Variants in UPF2 observed in about 807,000 individuals in gnomAD.
UPF2 encodes the protein regulator of nonsense transcripts 2.
In UPF2, 17 loss-of-function variants were observed where a neutral mutation model predicts 141.4. That is an observed-to-expected ratio of 0.12 (90% CI 0.08 to 0.18). The LOEUF is 0.18. UPF2 is among the 10% of genes least tolerant of loss of function. The pLI, the probability that UPF2 is intolerant of heterozygous loss-of-function variation, is 1.00. For missense variants in UPF2, 1,152 were observed against 1,515.9 expected, an observed-to-expected ratio of 0.76 and a Z score of 3.99; for synonymous variants, 540 against 498.0, an observed-to-expected ratio of 1.08 and a Z score of -1.12.
chr10:12,032,065 G>A (rs539496031), intron 2 of UPF2, among the ~76,000 whole-genome samples: 4 of 152,050 alleles, frequency 2.6e-5, no homozygotes, highest in South Asian at 2.1e-4. Flanking sequence ...AGGCCAAAAC[G>A]GGTGGATCAC....
chr10:12,013,337 C>CA (rs1336800643), intron 4 of UPF2, among the ~76,000 whole-genome samples: 6 of 147,850 alleles, frequency 4.1e-5, no homozygotes, highest in Non-Finnish European at 8.9e-5. Context: ...AGTGCAGTGG[C>CA]ACAATCTCGG....
intron 8 of UPF2, among the ~76,000 whole-genome samples, chr10:11,989,167 T>C (rs1259548763): frequency 6.6e-6 from 1 of 152,168 alleles, no homozygotes; most frequent in Non-Finnish European, 1.5e-5. Flanking sequence ...AACAGAGGCA[T>C]TGGCTTTCCA....
rs1433826371 is a variant in UPF2 at position 11,921,552 on chromosome 10, T to C, written c.3810-245A>G. Among the ~76,000 whole-genome samples the C allele has an allele frequency of 6.6e-6, 1 of 152,214 alleles. No homozygotes were observed. The highest frequency in any genetic ancestry group is 1.5e-5 in the Non-Finnish European group (1 of 68,030). Reference sequence around the variant, plus strand: ...AACTATCTCCATAGCATCTACACTTTATTAGGTATTACAAGTAATGTAGAG... The same window carrying C: ...AACTATCTCCATAGCATCTACACTTCATTAGGTATTACAAGTAATGTAGAG... On this transcript the variant is annotated intron_variant, in intron 21 of 21. Transcript: ENST00000357604. The surrounding 1 kb of genome is among the most constrained non-coding windows in gnomAD (Gnocchi z 5.9).
Position 11,943,165 on chromosome 10 carries a change from C to T in UPF2, c.3178G>A (p.Gly1060Ser). The T allele has an allele frequency of 6.2e-7, 1 of 1,604,780 alleles. No individual in the cohort carries two copies. Among genetic ancestry groups the T allele is most frequent in the Non-Finnish European group, 8.5e-7 (1 of 1,174,860 alleles). ...SEVNEPEEEE[G>S]SDNDDDEGEE... ...CCCTCATCATCATCATTATCAGAAC[C>T]CTCCTGAAATTATTGAACATTAGAA... The change falls in exon 17 of 22, where the codon GGT becomes AGT. Residue 1060 changes from glycine to serine, a missense_variant. Around this residue, in one of 4 missense-constraint regions of UPF2, gnomAD observed 202 missense variants for 223.6 expected, o/e 0.90. Coordinates refer to ENST00000357604, the MANE Select transcript of UPF2 (RefSeq NM_015542.4).
chr10:11,955,953 C>T (rs1267152171), intron 13 of UPF2, among the ~76,000 whole-genome samples: 1 of 151,978 alleles, frequency 6.6e-6, no homozygotes, highest in Non-Finnish European at 1.5e-5. Context: ...ACCAGCCTGG[C>T]CGACATGGCA....
rs201537032 is a variant in UPF2 at position 12,022,859 on chromosome 10, C to CT, written c.1145+5885dup. On this transcript the variant is annotated intron_variant, in intron 3 of 21. Coordinates refer to ENST00000357604, the MANE Select transcript of UPF2 (RefSeq NM_015542.4). ...TAGCATTCATAAAAGAAACCTCTGA[C>CT]TTTTTTTTTAACAATGGGCAGACGA... 3.4e-4 allele frequency among the ~76,000 whole-genome samples: 52 copies of CT among 151,322 alleles called. No homozygotes were observed. In the East Asian group the frequency reaches 6.8e-3, roughly 20 times the overall value.
chr10:11,947,166 C>T (rs954550460), intron 16 of UPF2, among the ~76,000 whole-genome samples: 1 of 152,174 alleles, frequency 6.6e-6, no homozygotes, highest in African/African-American at 2.4e-5. Context: ...CATGCCACTG[C>T]ACTCCAGCAT....
chr10:11,965,941 T>C (rs1334648082), intron 10 of UPF2, among the ~76,000 whole-genome samples: 1 of 152,186 alleles, frequency 6.6e-6, no homozygotes, highest in Non-Finnish European at 1.5e-5. Context: ...ACAACCTTAG[T>C]AACGGAATGA....
intron 9 of UPF2, among the ~76,000 whole-genome samples, chr10:11,974,508 G>A (rs1240684533): frequency 6.6e-6 from 1 of 152,190 alleles, no homozygotes; most frequent in African/African-American, 2.4e-5. Context: ...GATATTGGCT[G>A]TGGGTTTGTC....
chr10:11,967,280 C>T (rs1411808932), intron 10 of UPF2, 61 bp downstream of exon 10: 1 of 959,094 alleles, frequency 1.0e-6, no homozygotes, highest in Non-Finnish European at 1.5e-6. Flanking sequence ...ACTTTATCCA[C>T]CATTTATAAT....
chr10:12,028,343 A>G (rs186448655), intron 3 of UPF2, among the ~76,000 whole-genome samples: 30 of 152,356 alleles, frequency 2.0e-4, no homozygotes, highest in Middle Eastern at 3.4e-3. Context: ...CAACAGTGAC[A>G]TAAAGAACTT....
chr10:12,017,164 G>C (rs907773125), intron 3 of UPF2, among the ~76,000 whole-genome samples: 4 of 152,032 alleles, frequency 2.6e-5, no homozygotes, highest in Non-Finnish European at 4.4e-5. Context: ...TTATATTAAA[G>C]GGATAATACT....
At position 11,939,516 on chromosome 10, in the gene UPF2, T is replaced by C. The variant is rs529057903; in HGVS notation, c.3379-2804A>G. Among the ~76,000 whole-genome samples, 176 of 99,582 alleles carry C rather than the reference T, an allele frequency of 1.8e-3. No homozygotes were observed. The highest frequency in any genetic ancestry group is 1.5e-3 in the Non-Finnish European group (84 of 55,846). The allele number at this position is 99,582 out of a possible 152,430, so 65.3% of individuals were successfully genotyped here. On this transcript the variant is annotated intron_variant, in intron 18 of 21. Coordinates refer to ENST00000357604, the MANE Select transcript of UPF2 (RefSeq NM_015542.4). The surrounding 1 kb of genome is among the most constrained non-coding windows in gnomAD (Gnocchi z 4.8). Reference sequence around the variant, plus strand: ...ATTATTGTCAGTTTAAAATGTTTTATCTTTTTTTTTTTTTAAGACGAAGTC... The same window carrying C: ...ATTATTGTCAGTTTAAAATGTTTTACCTTTTTTTTTTTTTAAGACGAAGTC...
intron 10 of UPF2, among the ~76,000 whole-genome samples, chr10:11,965,300 C>T (rs1163998075): frequency 6.6e-6 from 1 of 152,102 alleles, no homozygotes; most frequent in Non-Finnish European, 1.5e-5. Flanking sequence ...CAATTCACAG[C>T]ATATTCCTTT....
intron 19 of UPF2, among the ~76,000 whole-genome samples, chr10:11,934,913 T>C (rs2131158003): frequency 6.6e-6 from 1 of 152,244 alleles, no homozygotes; most frequent in Non-Finnish European, 1.5e-5. Context: ...AATTGGTATA[T>C]AGGTGGTATC....
chr10:11,941,867 C>T (rs530325760), intron 18 of UPF2, among the ~76,000 whole-genome samples: 1 of 152,272 alleles, frequency 6.6e-6, no homozygotes, highest in African/African-American at 2.4e-5. Flanking sequence ...CAAAAAACTG[C>T]TAAGTAGTGT....
intron 8 of UPF2, among the ~76,000 whole-genome samples, chr10:11,983,845 C>T (rs772144843): frequency 1.3e-4 from 20 of 152,060 alleles, no homozygotes; most frequent in Non-Finnish European, 2.6e-4. Context: ...CTGGAACAAG[C>T]GATATTATTT....
rs1332458848 is a variant in UPF2, at chr10:11,921,334, G to A, written c.3810-27C>T. The A allele has an allele frequency of 1.2e-6, 2 of 1,614,082 alleles. No homozygotes were observed. Among genetic ancestry groups the A allele is most frequent in the Non-Finnish European group, 1.7e-6 (2 of 1,180,014 alleles). On this transcript the variant is annotated intron_variant, in intron 21 of 21. Coordinates refer to ENST00000357604, the MANE Select transcript of UPF2 (RefSeq NM_015542.4). This position sits in a 1 kb window ranked among gnomAD's most constrained non-coding sequence, Gnocchi z 5.9. ...TAAAGGAACAAACAGGGTCACATCA[G>A]AGAGCTTACTGCCACAGGACAAAGT... is the stretch of plus-strand genomic sequence containing the variant.
intron 4 of UPF2, 143 bp from the exon 5 acceptor site, chr10:12,004,870 G>T: frequency 2.7e-6 from 2 of 733,448 alleles, no homozygotes; most frequent in South Asian, 4.4e-5. Flanking sequence ...ACAAGCACAT[G>T]TGACCGTTTT....
Sources: allele counts gnomAD v4.1 joint callset (sites outside exome capture counted in the v4.1 genomes callset), GRCh38; gene constraint gnomAD v4.1.1; regional missense constraint gnomAD v4.1.1; non-coding constraint Gnocchi (gnomAD v3.1); transcripts MANE v1.5; gene names NCBI Gene and HGNC (gene_info 2026-07-23, HGNC 2026-07-21).